Variants in NAV3 observed in about 807,000 individuals in gnomAD.
NAV3 encodes neuron navigator 3.
In NAV3, 87 loss-of-function variants were observed where a neutral mutation model predicts 244.7. The observed-to-expected ratio is 0.36, with a 90% CI of 0.30 to 0.42. The LOEUF is 0.42. NAV3 is among the 20% of genes least tolerant of loss of function. The pLI, the probability that NAV3 is intolerant of heterozygous loss-of-function variation, is 1.00. For synonymous variants in NAV3, 1,126 were observed against 1,042.2 expected (o/e 1.08, Z -1.55); for missense variants, 2,663 against 2,893.3 (o/e 0.92, Z 1.83).
Position 78,021,950 on chromosome 12 carries a change from A to G in NAV3, c.2023+88A>G, listed in dbSNP as rs572444859. 2.8e-5 allele frequency: 21 copies of G among 740,556 alleles called. No homozygotes were observed. The South Asian group carries it at 4.2e-4, about 15-fold the overall frequency. 45.9% of individuals were successfully genotyped at this position (740,556 alleles called of 1,614,324 possible). ...TTTTATTAAATCATATATGTGGTAT[A>G]CTGTTTTTAGTGCAAAAATGGACTA... On this transcript the variant is annotated intron_variant, in intron 9 of 39. Transcript: ENST00000397909.
At chr12:77,987,533 T>C (rs1870726647) in intron 5 of NAV3, among the ~76,000 whole-genome samples, 1 of 152,182 alleles carries the variant, frequency 6.6e-6, no homozygotes, top group African/African-American at 2.4e-5. Context: ...CTTGGAACAA[T>C]TTCCCTTGTT....
At chr12:77,977,520 C>T (rs1868670746) in intron 5 of NAV3, among the ~76,000 whole-genome samples, 1 of 152,050 alleles carries the variant, frequency 6.6e-6, no homozygotes, top group African/African-American at 2.4e-5. Flanking sequence ...GGTTCTCCTC[C>T]ATCCACTAAC....
rs1958118049 is a variant in NAV3, at chr12:78,174,034, T to C, written c.4982-1272T>C. 2.0e-5 allele frequency among the ~76,000 whole-genome samples: 3 copies of C among 151,748 alleles called. No individual in the cohort carries two copies. The South Asian group carries it at 6.2e-4, about 31-fold the overall frequency. ...GCTTGATTTTATGGTATTAGTTTTT[T>C]GGAAACTGTCAGCTTTATAGTAAAT... On this transcript the variant is annotated intron_variant, in intron 24 of 39. Transcript: ENST00000397909.
At chr12:78,162,722 C>T (rs1957595771) in intron 23 of NAV3, among the ~76,000 whole-genome samples, 1 of 150,488 alleles carries the variant, frequency 6.6e-6, no homozygotes, top group Admixed American at 6.7e-5. Context: ...ATTAGCCAGG[C>T]CTGGTGGTGG....
At chr12:78,015,037 T>C (rs1358054477) in intron 8 of NAV3, among the ~76,000 whole-genome samples, 3 of 152,080 alleles carry the variant, frequency 2.0e-5, no homozygotes, top group African/African-American at 7.2e-5. Context: ...TTGTGTAGAA[T>C]ACTACCACGA....
At chr12:77,598,627 T>C (rs577121514) in intron 2 of NAV3, among the ~76,000 whole-genome samples, 11 of 152,078 alleles carry the variant, frequency 7.2e-5, no homozygotes, top group Middle Eastern at 3.4e-3. Flanking sequence ...TGTGTATAAT[T>C]TGGAGAATTT....
intron 2 of NAV3, among the ~76,000 whole-genome samples, chr12:77,600,559 G>A (rs1272484746): frequency 2.0e-5 from 3 of 151,954 alleles, no homozygotes; most frequent in Non-Finnish European, 4.4e-5. Context: ...CAGACCAGGA[G>A]AGAAGAGAAC....
chr12:77,817,667 A>G (rs568072514), intron 2 of NAV3, among the ~76,000 whole-genome samples: 1 of 152,152 alleles, frequency 6.6e-6, no homozygotes, highest in South Asian at 2.1e-4. Flanking sequence ...CACTTTTATT[A>G]TAATTTTGTG....
At chr12:78,043,416 G>A (rs1325618403) in intron 9 of NAV3, among the ~76,000 whole-genome samples, 1 of 152,128 alleles carries the variant, frequency 6.6e-6, no homozygotes, top group Non-Finnish European at 1.5e-5. Context: ...CTTTATAATA[G>A]AATGATTTAT....
intron 2 of NAV3, among the ~76,000 whole-genome samples, chr12:77,618,176 C>A (rs1323929524): frequency 3.9e-5 from 6 of 152,150 alleles, no homozygotes; most frequent in Admixed American, 3.9e-4. Context: ...ATGACTGTAA[C>A]CTCAGCTGAC....
intron 8 of NAV3, among the ~76,000 whole-genome samples, chr12:78,009,319 G>C (rs1874814101): frequency 6.6e-6 from 1 of 151,796 alleles, no homozygotes; most frequent in South Asian, 2.1e-4. Flanking sequence ...TAGCCAAGTA[G>C]CTAAGAAAAG....
Position 77,601,550 on chromosome 12 carries a change from G to A in NAV3, c.72+29284G>A, listed in dbSNP as rs151099800. Among the ~76,000 whole-genome samples, 227 of 152,026 alleles carry A rather than the reference G, an allele frequency of 1.5e-3. 1 individual carries two copies. Among genetic ancestry groups the A allele is most frequent in the African/African-American group, 5.3e-3 (221 of 41,514 alleles). ...GGCTGAGATCATTTCAGAAGTAATG[G>A]GACTTCAATGTAGTAGGAGCATGTG... On this transcript the variant is annotated intron_variant, in intron 2 of 8. Transcript: ENST00000550042.
chr12:77,844,075 A>T (rs1315367682), intron 1 of NAV3, among the ~76,000 whole-genome samples: 1 of 152,164 alleles, frequency 6.6e-6, no homozygotes, highest in South Asian at 2.1e-4. Context: ...TAATCAGTGC[A>T]TTTGTGCTGC....
At chr12:77,861,088 G>C (rs1253821313) in intron 1 of NAV3, among the ~76,000 whole-genome samples, 2 of 151,858 alleles carry the variant, frequency 1.3e-5, no homozygotes, top group Non-Finnish European at 2.9e-5. Context: ...GAGAGATTCA[G>C]CTTGAAGCCA....
chr12:77,861,937 T>C (rs1205375191), intron 1 of NAV3, among the ~76,000 whole-genome samples: 1 of 151,878 alleles, frequency 6.6e-6, no homozygotes. Context: ...ATTTTTTCAA[T>C]TGATATAGCT....
At chr12:77,862,729 C>T (rs1879430580) in intron 1 of NAV3, among the ~76,000 whole-genome samples, 1 of 151,638 alleles carries the variant, frequency 6.6e-6, no homozygotes, top group Non-Finnish European at 1.5e-5. Context: ...ATCATTTCAT[C>T]GGTGGTGATA....
Position 78,179,619 on chromosome 12 carries a change from G to T in NAV3, c.5454G>T (p.Arg1818=). 6.2e-7 allele frequency: 1 copy of T among 1,613,370 alleles called. No individual in the cohort carries two copies. The highest frequency in any genetic ancestry group is 8.5e-7 in the Non-Finnish European group (1 of 1,179,518). ...REKELKLTDI[R]LEALSSAHHL... Reference sequence around the variant, plus strand: ...AGGAATTAAAATTAACGGATATTCGGCTGGAGGCCCTCAGCTCTGCTCATC... The same window carrying T: ...AGGAATTAAAATTAACGGATATTCGTCTGGAGGCCCTCAGCTCTGCTCATC... The change falls in exon 29 of 40, where the codon CGG becomes CGT. Residue 1818 remains arginine, a synonymous_variant. Transcript: ENST00000397909.
At chr12:78,081,191 C>T (rs17223539) in intron 12 of NAV3, among the ~76,000 whole-genome samples, 18,366 of 152,060 alleles carry the variant, frequency 0.12, 1,188 homozygotes, top group Non-Finnish European at 0.15. Context: ...TGAACTATAG[C>T]GTGATAATAC....
intron 12 of NAV3, among the ~76,000 whole-genome samples, chr12:78,064,426 T>TCTGTCTGTCTGTCTGCCTGCCTGC (rs66686266): frequency 3.7e-5 from 5 of 136,194 alleles, no homozygotes; most frequent in Non-Finnish European, 7.9e-5. Flanking sequence ...TGTCTGTCTG[T>TCTGTCTGTCTGTCTGCCTGCCTGC]CTGCCTGCCT....
Sources: gnomAD v4.1 joint callset for allele counts (sites outside exome capture counted in the v4.1 genomes callset) on GRCh38, gnomAD v4.1.1 for gene constraint, MANE v1.5 for transcripts, NCBI Gene and HGNC (gene_info 2026-07-23, HGNC 2026-07-21) for gene names.